Variants in SHPRH observed in about 807,000 individuals in gnomAD.
The protein encoded by SHPRH is E3 ubiquitin-protein ligase SHPRH.
SHPRH carries 106 observed loss-of-function variants against 202.5 expected under a neutral mutation model. The ratio of observed to expected loss-of-function variants is 0.52; its 90% CI spans 0.45 to 0.62. SHPRH has a LOEUF of 0.62. Among genes scored for constraint, SHPRH ranks in the 20% least tolerant of loss-of-function variants. SHPRH has a pLI of 0.00. For missense variants in SHPRH, 1,710 were observed against 2,020.0 expected (o/e 0.85, Z 2.94); for synonymous variants, 729 against 686.0 (o/e 1.06, Z -0.98).
chr6:145,871,799 C>T (rs924304259), intron 2 of SHPRH, among the ~76,000 whole-genome samples: 6 of 152,214 alleles, frequency 3.9e-5, no homozygotes, highest in Admixed American at 3.3e-4. Context: ...TCAAACTATA[C>T]GATAGGGCTA....
chr6:145,948,552 A>G (rs1048518677), intron 4 of SHPRH, among the ~76,000 whole-genome samples: 5 of 151,984 alleles, frequency 3.3e-5, no homozygotes, highest in African/African-American at 1.2e-4. Context: ...TTCTGATATT[A>G]CTCTTTAGCT....
At chr6:145,962,711 T>C (rs904822535) in intron 1 of SHPRH, among the ~76,000 whole-genome samples, 1 of 152,140 alleles carries the variant, frequency 6.6e-6, no homozygotes, top group African/African-American at 2.4e-5. Context: ...TTTAGGCTAT[T>C]AAGGGCAAAA....
intron 11 of SHPRH, among the ~76,000 whole-genome samples, chr6:145,939,054 G>A (rs1251102336): frequency 6.6e-6 from 1 of 152,098 alleles, no homozygotes; most frequent in Non-Finnish European, 1.5e-5. Flanking sequence ...TGTCAATATG[G>A]CCAATGTTGA....
At chr6:145,870,254 T>G (rs1779995699) in intron 2 of SHPRH, among the ~76,000 whole-genome samples, 1 of 145,198 alleles carries the variant, frequency 6.9e-6, no homozygotes, top group South Asian at 2.2e-4. Context: ...TGTCAATCGT[T>G]TCAGATTTTT....
At chr6:145,872,424 A>G (rs1780097936) in intron 2 of SHPRH, among the ~76,000 whole-genome samples, 1 of 152,012 alleles carries the variant, frequency 6.6e-6, no homozygotes, top group Admixed American at 6.5e-5. Context: ...CATGTGGCTA[A>G]CAAACATGAA....
intron 28 of SHPRH, among the ~76,000 whole-genome samples, chr6:145,889,484 T>C (rs1781401446): frequency 6.6e-6 from 1 of 152,110 alleles, no homozygotes; most frequent in Non-Finnish European, 1.5e-5. Context: ...CAAAACTTTT[T>C]GAGTGCCAAC....
At chr6:145,909,981 C>T (rs115844058) in intron 25 of SHPRH, 2,250 of 152,602 alleles carry the variant, frequency 0.015, 44 homozygotes, top group African/African-American at 0.05. Context: ...TCAATCTATG[C>T]TGTTTAAAAA....
At chr6:145,958,778 G>A (rs1788762234) in intron 1 of SHPRH, among the ~76,000 whole-genome samples, 1 of 152,120 alleles carries the variant, frequency 6.6e-6, no homozygotes, top group South Asian at 2.1e-4. Context: ...TAAGGGAGCT[G>A]AAAAATTCCT....
chr6:145,948,457 A>T, intron 4 of SHPRH, 107 bp from the exon 5 acceptor site: 1 of 705,606 alleles, frequency 1.4e-6, no homozygotes, highest in South Asian at 2.9e-5. Context: ...GCATAGTGAT[A>T]CCCATATTCT....
At chr6:145,894,311 A>C in intron 26 of SHPRH, 75 bp from the exon 27 acceptor site, 6 of 1,134,252 alleles carry the variant, frequency 5.3e-6, no homozygotes, top group South Asian at 1.8e-5. Context: ...AAAGGAAATA[A>C]ATCAAAATGA....
chr6:145,899,521 C>T (rs1331887671), intron 25 of SHPRH, among the ~76,000 whole-genome samples: 1 of 151,936 alleles, frequency 6.6e-6, no homozygotes, highest in African/African-American at 2.4e-5. Flanking sequence ...CTTATCTCAC[C>T]GCATATACAA....
intron 11 of SHPRH, among the ~76,000 whole-genome samples, chr6:145,939,897 G>A (rs1028087957): frequency 3.3e-5 from 5 of 152,112 alleles, no homozygotes; most frequent in South Asian, 2.1e-4. Context: ...GAAAACATAC[G>A]AAAACTTGGA....
intron 25 of SHPRH, among the ~76,000 whole-genome samples, chr6:145,898,332 TAAAGAGAACACA>T (rs1364786817): frequency 6.6e-6 from 1 of 152,056 alleles, no homozygotes; most frequent in Non-Finnish European, 1.5e-5. Context: ...ATAAAAAAAT[TAAAGAGAACACA>T]AATGGAAAGA....
In SHPRH at chr6:145,943,700, C is replaced by T. The variant is rs561556028; in HGVS notation, c.1681G>A (p.Asp561Asn). 1.2e-6 allele frequency: 2 copies of T among 1,610,628 alleles called. No individual in the cohort carries two copies. Among genetic ancestry groups the T allele is most frequent in the Non-Finnish European group, 1.7e-6 (2 of 1,177,600 alleles). ...GACTTATAATAATAATAGTAAGGAT[C>T]ATCATCATCATCAGAGGTGTCTGAT... ...LPSDTSDDDD[D>N]PYYYYYKSRR... Residue 561 changes from aspartate (D) to asparagine (N), a missense_variant, in exon 9 of 30, where the codon GAT becomes AAT. By Grantham distance (23) the Asp-to-Asn change is conservative. This residue lies in a region of SHPRH where 348 missense variants were observed against 356.9 expected (regional missense o/e 0.97). Transcript: ENST00000275233.
At chr6:145,869,985 T>G (rs1046388052) in intron 2 of SHPRH, among the ~76,000 whole-genome samples, 14 of 152,052 alleles carry the variant, frequency 9.2e-5, no homozygotes, top group African/African-American at 3.4e-4. Context: ...ACATGGACTA[T>G]CTCTTCATTT....
chr6:145,889,528 G>A (rs1332640276), intron 28 of SHPRH, among the ~76,000 whole-genome samples: 3 of 152,136 alleles, frequency 2.0e-5, no homozygotes, highest in African/African-American at 2.4e-5. Context: ...CTGACTTCAC[G>A]TGATGAGTCA....
chr6:145,931,546 C>T (rs1271047636), intron 14 of SHPRH, among the ~76,000 whole-genome samples: 2 of 152,102 alleles, frequency 1.3e-5, no homozygotes, highest in Non-Finnish European at 2.9e-5. Flanking sequence ...CCATGTTGGC[C>T]AGGATGGTCT....
intron 2 of SHPRH, 111 bp from the exon 3 acceptor site, chr6:145,952,589 T>C (rs1011185158): frequency 2.1e-6 from 2 of 962,760 alleles, no homozygotes; most frequent in East Asian, 2.8e-5. Flanking sequence ...ATTCATAGCA[T>C]GTGTGACACA....
chr6:145,935,198 C>T, intron 12 of SHPRH, 35 bp from the exon 13 acceptor site: 8 of 1,592,984 alleles, frequency 5.0e-6, no homozygotes, highest in Non-Finnish European at 6.0e-6. Flanking sequence ...AAAAAGATAT[C>T]ATCTAAAAAT....
Sources: gnomAD v4.1 joint callset for allele counts (sites outside exome capture counted in the v4.1 genomes callset) on GRCh38, gnomAD v4.1.1 for gene constraint, gnomAD v4.1.1 regional missense constraint, MANE v1.5 for transcripts, NCBI Gene and HGNC (gene_info 2026-07-23, HGNC 2026-07-21) for gene names.